Variants in PYHIN1 observed in about 807,000 individuals in gnomAD.
The protein encoded by PYHIN1 is pyrin and HIN domain-containing protein 1.
Under a neutral mutation model 43.7 loss-of-function variants are expected in PYHIN1, and 32 were observed. That is an observed-to-expected ratio of 0.73 (90% CI 0.55 to 0.98). The LOEUF (loss-of-function observed/expected upper bound fraction) is 0.98, where lower values mean the gene tolerates loss of function less well. PYHIN1 is among the 50% of genes least tolerant of loss of function. The pLI, the probability that PYHIN1 is intolerant of heterozygous loss-of-function variation, is 0.00. For missense variants in PYHIN1, 588 were observed against 589.5 expected, an observed-to-expected ratio of 1.00 and a Z score of 0.03; for synonymous variants, 205 against 203.1, an observed-to-expected ratio of 1.01 and a Z score of -0.08.
Position 158,933,170 on chromosome 1 carries a change from A to G in PYHIN1, c.-21+1394A>G, listed in dbSNP as rs1443875306. ...TAGATATGCTCACATGCATAGTTGTATAATGTATATTATGTGTGTATGTGA... is the reference window on the plus strand; with the variant it reads ...TAGATATGCTCACATGCATAGTTGTGTAATGTATATTATGTGTGTATGTGA... On this transcript the variant is annotated intron_variant, in intron 1 of 8. Coordinates refer to ENST00000368140, the MANE Select transcript of PYHIN1 (RefSeq NM_152501.5). This position sits in a 1 kb window ranked among gnomAD's most constrained non-coding sequence, Gnocchi z 6.3. 2.6e-5 allele frequency among the ~76,000 whole-genome samples: 4 copies of G among 151,834 alleles called. No individual in the cohort carries two copies. The highest frequency in any genetic ancestry group is 4.4e-5 in the Non-Finnish European group (3 of 67,884).
chr1:158,982,382 G>A, the PYHIN1 span, among the ~76,000 whole-genome samples: 1 of 152,062 alleles, frequency 6.6e-6, no homozygotes, highest in East Asian at 1.9e-4. Flanking sequence ...TCCTGACACT[G>A]CTTGTTGAAT....
intron 6 of PYHIN1, among the ~76,000 whole-genome samples, chr1:158,944,495 TGCATACAAACATTAA>T (rs1014683429): frequency 3.3e-5 from 5 of 152,216 alleles, no homozygotes; most frequent in Non-Finnish European, 7.3e-5. Flanking sequence ...GAGAAAATGT[TGCATACAAACATTAA>T]AAGTGAGAAA....
At chr1:158,988,399 A>G in the PYHIN1 span, among the ~76,000 whole-genome samples, 2 of 152,328 alleles carry the variant, frequency 1.3e-5, no homozygotes, top group East Asian at 3.9e-4. Flanking sequence ...CATGAACATT[A>G]AAGGAGGTTC....
chr1:158,949,471 C>G (rs1001786949), intron 7 of PYHIN1, among the ~76,000 whole-genome samples: 1 of 151,820 alleles, frequency 6.6e-6, no homozygotes, highest in Non-Finnish European at 1.5e-5. Flanking sequence ...CATGCTGGTG[C>G]GCTGTACCCA....
chr1:158,975,842 C>G (rs919049075), intron 8 of PYHIN1, among the ~76,000 whole-genome samples: 6 of 152,016 alleles, frequency 3.9e-5, no homozygotes, highest in Admixed American at 2.0e-4. Context: ...CTAAAAGTAC[C>G]TAATAGAATG....
chr1:158,968,808 G>T (rs1412311008), intron 7 of PYHIN1, among the ~76,000 whole-genome samples: 3 of 148,714 alleles, frequency 2.0e-5, no homozygotes, highest in Non-Finnish European at 2.9e-5. Flanking sequence ...CATGAATGGA[G>T]CTGGATGCCA....
At chr1:158,944,451 A>G (rs933795858) in intron 6 of PYHIN1, among the ~76,000 whole-genome samples, 2 of 152,230 alleles carry the variant, frequency 1.3e-5, no homozygotes, top group Non-Finnish European at 2.9e-5. Flanking sequence ...TGCTCTTAAC[A>G]AGGTAAAGAC....
intron 4 of PYHIN1, 129 bp downstream of exon 4, chr1:158,939,376 C>T (rs1193847123): frequency 1.9e-6 from 3 of 1,595,322 alleles, no homozygotes; most frequent in African/African-American, 1.3e-5. Flanking sequence ...TGAGAATTCA[C>T]TGCATTTTAA....
the PYHIN1 span, among the ~76,000 whole-genome samples, chr1:158,983,652 T>C: frequency 6.6e-6 from 1 of 151,998 alleles, no homozygotes; most frequent in South Asian, 2.1e-4. Context: ...GCTGACCTCA[T>C]AGAATGATTC....
chr1:158,951,980 T>C (rs1649557791), intron 7 of PYHIN1, among the ~76,000 whole-genome samples: 1 of 152,218 alleles, frequency 6.6e-6, no homozygotes, highest in Non-Finnish European at 1.5e-5. Flanking sequence ...TAATCTGGGA[T>C]GTCGCTTGTA....
At chr1:158,946,247 T>C (rs1443998255) in intron 7 of PYHIN1, among the ~76,000 whole-genome samples, 3 of 152,078 alleles carry the variant, frequency 2.0e-5, no homozygotes, top group African/African-American at 4.8e-5. Flanking sequence ...TATAACAGAG[T>C]GCTTTTTATA....
chr1:158,936,157 CCATTAACTCAT>C (rs370305504), intron 1 of PYHIN1, among the ~76,000 whole-genome samples: 27,573 of 146,234 alleles, frequency 0.19, 2,794 homozygotes, highest in Non-Finnish European at 0.23. Context: ...TGTGCTGCAC[CCATTAACTCAT>C]CATTTAGCAT....
intron 7 of PYHIN1, among the ~76,000 whole-genome samples, chr1:158,961,824 G>A (rs1650335557): frequency 6.6e-6 from 1 of 152,278 alleles, no homozygotes; most frequent in South Asian, 2.1e-4. Context: ...CAAGTATCCT[G>A]GAATTAGCGG....
intron 7 of PYHIN1, 98 bp from the exon 8 acceptor site, chr1:158,973,549 G>T: frequency 2.6e-6 from 3 of 1,158,668 alleles, no homozygotes; most frequent in Non-Finnish European, 3.8e-6. Flanking sequence ...ATACACACAT[G>T]TATTACATCC....
At chr1:158,983,547 T>A in the PYHIN1 span, among the ~76,000 whole-genome samples, 94 of 152,236 alleles carry the variant, frequency 6.2e-4, 1 homozygote, top group East Asian at 0.016. Context: ...TGCTAGTATT[T>A]TTTTTTGAGG....
At chr1:158,988,225 T>G in the PYHIN1 span, among the ~76,000 whole-genome samples, 6 of 152,270 alleles carry the variant, frequency 3.9e-5, no homozygotes, top group Admixed American at 2.6e-4. Flanking sequence ...AAAAGTGACA[T>G]GGGGTATTAT....
chr1:158,950,905 C>G (rs1226560923), intron 7 of PYHIN1, among the ~76,000 whole-genome samples: 1 of 152,264 alleles, frequency 6.6e-6, no homozygotes, highest in Admixed American at 6.5e-5. Flanking sequence ...TTTTTGTGGG[C>G]TGTCCCATAA....
At position 158,969,292 on chromosome 1, in the gene PYHIN1, G is replaced by A. The variant is rs149643365; in HGVS notation, c.1360-4355G>A. ...TTAGGTAACTGTGACTCACTATTTC[G>A]TTCTTTCTCTTTCACTGCCATGTTA... On this transcript the variant is annotated intron_variant, in intron 7 of 8. Transcript: ENST00000368140. Among the ~76,000 whole-genome samples, 207 of 152,040 alleles carry A rather than the reference G, an allele frequency of 1.4e-3. 2 individuals carry two copies. In the South Asian group the frequency reaches 0.014, roughly 10 times the overall value.
chr1:158,961,946 C>T (rs1286697871), intron 7 of PYHIN1, among the ~76,000 whole-genome samples: 1 of 152,160 alleles, frequency 6.6e-6, no homozygotes, highest in Non-Finnish European at 1.5e-5. Context: ...CACTGCACCT[C>T]ACAGGATAAA....
Sources: gnomAD v4.1 joint callset for allele counts (sites outside exome capture counted in the v4.1 genomes callset) on GRCh38, gnomAD v4.1.1 for gene constraint, Gnocchi (gnomAD v3.1) non-coding constraint, MANE v1.5 for transcripts, NCBI Gene and HGNC (gene_info 2026-07-23, HGNC 2026-07-21) for gene names.